SCHIP1: variants seen among roughly 807,000 people sequenced by gnomAD.
SCHIP1 encodes the protein schwannomin-interacting protein 1.
A neutral mutation model predicts 29.7 loss-of-function variants in SCHIP1; 8 were observed. The ratio of observed to expected loss-of-function variants is 0.27; its 90% confidence interval spans 0.16 to 0.49. The LOEUF (loss-of-function observed/expected upper bound fraction) is 0.49, where lower values mean the gene tolerates loss of function less well. SCHIP1 is among the 20% of genes least tolerant of loss of function. The probability of loss-of-function intolerance (pLI) is 0.99; values close to 1 mark genes in which losing one functional copy is unlikely to be tolerated. For missense variants in SCHIP1, 193 were observed against 294.6 expected (o/e 0.66, Z 2.52); for synonymous variants, 76 against 94.9 (o/e 0.80, Z 1.16).
the SCHIP1 span, among the ~76,000 whole-genome samples, chr3:159,395,681 G>A: frequency 1.3e-5 from 2 of 152,156 alleles, no homozygotes; most frequent in African/African-American, 4.8e-5. Context: ...TGTGGTCTGA[G>A]AGATAGTTTG....
chr3:159,839,981 A>G (rs1237918722), exon 1 of SCHIP1: 4 of 1,431,028 alleles, frequency 2.8e-6, no homozygotes, highest in Non-Finnish European at 3.6e-6. Context: ...GCTGGAGAGC[A>G]GCTCAGCTCG....
the SCHIP1 span, among the ~76,000 whole-genome samples, chr3:159,558,782 G>A: frequency 6.6e-6 from 1 of 152,136 alleles, no homozygotes; most frequent in African/African-American, 2.4e-5. Context: ...CTATCAGCTA[G>A]TTGGTTATTA....
the SCHIP1 span, among the ~76,000 whole-genome samples, chr3:159,810,066 G>GA: frequency 6.6e-6 from 1 of 152,192 alleles, no homozygotes; most frequent in African/African-American, 2.4e-5. Flanking sequence ...GTTGTTTTGA[G>GA]ACGGAGTCTC....
chr3:159,380,674 A>T, the SCHIP1 span, among the ~76,000 whole-genome samples: 1 of 152,128 alleles, frequency 6.6e-6, no homozygotes, highest in Non-Finnish European at 1.5e-5. Context: ...CTTTATATAC[A>T]TTGTTTAAAA....
At chr3:159,756,237 G>C in the SCHIP1 span, among the ~76,000 whole-genome samples, 27 of 152,326 alleles carry the variant, frequency 1.8e-4, no homozygotes, top group African/African-American at 6.5e-4. Flanking sequence ...GGGCATCCAG[G>C]CATTTCCATA....
chr3:159,779,655 T>G, the SCHIP1 span, among the ~76,000 whole-genome samples: 12 of 151,424 alleles, frequency 7.9e-5, no homozygotes, highest in Admixed American at 7.2e-4. Context: ...TCCATGAGAC[T>G]CCATGGACTC....
chr3:159,575,971 A>G, the SCHIP1 span, among the ~76,000 whole-genome samples: 4 of 152,120 alleles, frequency 2.6e-5, no homozygotes, highest in Non-Finnish European at 5.9e-5. Flanking sequence ...AGTCTTTCTC[A>G]TATTTCAATG....
the SCHIP1 span, among the ~76,000 whole-genome samples, chr3:159,645,400 C>A: frequency 1.3e-5 from 2 of 152,132 alleles, no homozygotes; most frequent in African/African-American, 4.8e-5. Context: ...TGGGTAGAAT[C>A]TTGCCTTATA....
chr3:159,607,595 AG>A, the SCHIP1 span, among the ~76,000 whole-genome samples: 4 of 152,168 alleles, frequency 2.6e-5, no homozygotes, highest in African/African-American at 4.8e-5. Flanking sequence ...TGCAAAACCT[AG>A]CAGCACAAAA....
chr3:159,668,748 G>A, the SCHIP1 span, among the ~76,000 whole-genome samples: 1 of 152,132 alleles, frequency 6.6e-6, no homozygotes, highest in South Asian at 2.1e-4. Flanking sequence ...GAATTTTCTA[G>A]AAGTGCTTTC....
chr3:159,617,073 T>C, the SCHIP1 span, among the ~76,000 whole-genome samples: 1 of 152,226 alleles, frequency 6.6e-6, no homozygotes, highest in Non-Finnish European at 1.5e-5. Context: ...TTGATGCTTT[T>C]GGGTTCTTGT....
chr3:159,629,159 A>ACG, the SCHIP1 span, among the ~76,000 whole-genome samples: 1 of 152,068 alleles, frequency 6.6e-6, no homozygotes, highest in African/African-American at 2.4e-5. Flanking sequence ...ACACACACAC[A>ACG]CACAACTTGA....
the SCHIP1 span, chr3:159,273,735 A>C: frequency 6.4e-7 from 1 of 1,569,934 alleles, no homozygotes; most frequent in Non-Finnish European, 8.6e-7. Flanking sequence ...TAGCTAACCC[A>C]GGTGACCCTT....
the SCHIP1 span, among the ~76,000 whole-genome samples, chr3:159,498,793 C>T: frequency 6.6e-6 from 1 of 152,130 alleles, no homozygotes; most frequent in Admixed American, 6.5e-5. Flanking sequence ...ATGGTATAAA[C>T]ATATGCCATA....
At chr3:159,602,078 GT>G in the SCHIP1 span, among the ~76,000 whole-genome samples, 1 of 152,178 alleles carries the variant, frequency 6.6e-6, no homozygotes, top group Non-Finnish European at 1.5e-5. Flanking sequence ...AGGGATTCAT[GT>G]GGATAGAGGA....
intron 4 of SCHIP1, chr3:159,888,355 C>T: frequency 4.8e-6 from 1 of 206,302 alleles, no homozygotes; most frequent in Non-Finnish European, 9.9e-6. Flanking sequence ...AAGCAAGTTA[C>T]TTAAGTCTCA....
At chr3:159,492,755 A>G in the SCHIP1 span, among the ~76,000 whole-genome samples, 1 of 152,180 alleles carries the variant, frequency 6.6e-6, no homozygotes, top group Non-Finnish European at 1.5e-5. Context: ...AGAGAATGCC[A>G]CAAAGATACT....
the SCHIP1 span, among the ~76,000 whole-genome samples, chr3:159,520,196 A>G: frequency 3.3e-5 from 5 of 152,134 alleles, no homozygotes; most frequent in Admixed American, 6.5e-5. Context: ...AGGTAGGCAC[A>G]GAAGATAGAA....
exon 1 of SCHIP1, chr3:159,840,072 G>T: frequency 6.6e-7 from 1 of 1,516,478 alleles, no homozygotes; most frequent in South Asian, 1.2e-5. Context: ...TCTGCGGGGA[G>T]CCCCTGCCTT....
Sources: allele counts gnomAD v4.1 joint callset (sites outside exome capture counted in the v4.1 genomes callset), GRCh38; gene constraint gnomAD v4.1.1; transcripts MANE v1.5; gene names NCBI Gene and HGNC (gene_info 2026-07-23, HGNC 2026-07-21).